CELF2: variants seen among roughly 807,000 people sequenced by gnomAD.
CELF2 encodes the protein CUGBP Elav-like family member 2, also known as CUG triplet repeat RNA-binding protein 2.
A neutral mutation model predicts 62.6 loss-of-function variants in CELF2; 8 were observed. The observed-to-expected ratio is 0.13, with a 90% confidence interval of 0.07 to 0.23. CELF2 has a LOEUF of 0.23. Among genes scored for constraint, CELF2 ranks in the 10% least tolerant of loss-of-function variants. The pLI, the probability that CELF2 is intolerant of heterozygous loss-of-function variation, is 1.00. For synonymous variants in CELF2, 258 were observed against 250.0 expected, an observed-to-expected ratio of 1.03 and a Z score of -0.30; for missense variants, 333 against 671.0, an observed-to-expected ratio of 0.50 and a Z score of 5.56.
chr10:10,724,638 A>G, the CELF2 span, among the ~76,000 whole-genome samples: 1 of 145,786 alleles, frequency 6.9e-6, no homozygotes. Flanking sequence ...CCTGGGCAAC[A>G]GAGCAAGACT....
At chr10:11,210,621 C>T (rs1357183234) in intron 2 of CELF2, among the ~76,000 whole-genome samples, 1 of 152,212 alleles carries the variant, frequency 6.6e-6, no homozygotes, top group Non-Finnish European at 1.5e-5. Context: ...AAAGGTCCCT[C>T]CTGCCATGGT....
At chr10:10,855,171 G>T (rs2059630864) in intron 1 of CELF2, among the ~76,000 whole-genome samples, 2 of 152,160 alleles carry the variant, frequency 1.3e-5, no homozygotes, top group South Asian at 4.1e-4. Context: ...AGTTTTCTCA[G>T]TGCTCACACT....
chr10:10,954,988 A>G (rs2048740321), intron 2 of CELF2, among the ~76,000 whole-genome samples: 1 of 152,254 alleles, frequency 6.6e-6, no homozygotes, highest in Non-Finnish European at 1.5e-5. Context: ...CAAAGGCTCC[A>G]AATAGCTTAG....
intron 2 of CELF2, among the ~76,000 whole-genome samples, chr10:11,204,459 AGGGG>A (rs2059962255): frequency 2.0e-5 from 3 of 152,200 alleles, no homozygotes; most frequent in Admixed American, 6.5e-5. Flanking sequence ...CTATAGGGGA[AGGGG>A]GTGTGAAAAT....
chr10:11,163,870 T>TA (rs1387573015), intron 1 of CELF2, among the ~76,000 whole-genome samples: 1 of 152,220 alleles, frequency 6.6e-6, no homozygotes, highest in East Asian at 1.9e-4. Flanking sequence ...ATCTTGTTTT[T>TA]AGGGGCTTAG....
rs116427339 is a variant in CELF2, at chr10:11,289,648, G to A, written c.976+1096G>A. 9.2e-3 allele frequency among the ~76,000 whole-genome samples: 1,398 copies of A among 152,300 alleles called. 19 individuals are homozygous for A. The highest frequency in any genetic ancestry group is 0.032 in the African/African-American group (1,314 of 41,556). ...AATGTGCTGAGATCGCATGGCAGGT[G>A]TATTGACTTCACTGTGTACAGTGTC... On this transcript the variant is annotated intron_variant, in intron 9 of 12. Transcript: ENST00000633077.
At chr10:10,653,574 C>T in the CELF2 span, among the ~76,000 whole-genome samples, 49 of 130,066 alleles carry the variant, frequency 3.8e-4, no homozygotes, top group African/African-American at 9.8e-4. Context: ...CACTCAAAAC[C>T]GCTCAACTAC....
In CELF2 at chr10:11,244,124, G is replaced by A. The variant is rs2074881326; in HGVS notation, c.355-5029G>A. On this transcript the variant is annotated intron_variant, in intron 3 of 12. Coordinates refer to ENST00000633077, the MANE Select transcript of CELF2 (RefSeq NM_001326342.2). The surrounding 1 kb of genome is among the most constrained non-coding windows in gnomAD (Gnocchi z 4.2). The stretch of plus-strand genomic sequence containing the variant: ...GGAGGGCCAGGGTCCCTAGTCATGG[G>A]GAAGCAGTTGAGAAGCAACAGTTCT... Among the ~76,000 whole-genome samples the A allele has an allele frequency of 6.6e-6, 1 of 152,242 alleles. No individual in the cohort carries two copies. The highest frequency in any genetic ancestry group is 1.5e-5 in the Non-Finnish European group (1 of 68,048).
the CELF2 span, among the ~76,000 whole-genome samples, chr10:10,714,456 G>A: frequency 6.6e-6 from 1 of 152,098 alleles, no homozygotes; most frequent in Admixed American, 6.5e-5. Flanking sequence ...GGCTAGACAT[G>A]TTTAGCTTCA....
chr10:10,679,566 A>T, the CELF2 span, among the ~76,000 whole-genome samples: 2 of 152,242 alleles, frequency 1.3e-5, no homozygotes, highest in Non-Finnish European at 2.9e-5. Flanking sequence ...CTGGGATTAC[A>T]GGTGTAAGCC....
chr10:10,524,155 G>A, the CELF2 span, among the ~76,000 whole-genome samples: 1 of 152,152 alleles, frequency 6.6e-6, no homozygotes, highest in South Asian at 2.1e-4. Flanking sequence ...ATAAGAAATG[G>A]GGGAAGATGA....
Position 10,932,682 on chromosome 10 carries a change from G to GTGTGTGTA in CELF2, c.89+12690_89+12691insATGTGTGT, listed in dbSNP as rs764187691. Among the ~76,000 whole-genome samples, 4 of 119,234 alleles carry GTGTGTGTA rather than the reference G, an allele frequency of 3.4e-5. No homozygotes were observed. In the East Asian group the frequency reaches 8.1e-4, roughly 24 times the overall value. The allele number at this position is 119,234 out of a possible 152,430, so 78.2% of individuals were successfully genotyped here. A position where few individuals can be genotyped will look rare whatever the true frequency, so the allele number is the denominator to read the frequency against. The stretch of plus-strand genomic sequence containing the variant: ...AAAGTAAATATGTATGTGTATGTGT[G>GTGTGTGTA]TGTGTGTGTGTGTATATATATATGT... On this transcript the variant is annotated intron_variant, in intron 2 of 13. Coordinates refer to the CELF2 transcript ENST00000636488.
At chr10:11,015,581 T>C (rs150036021), upstream of CELF2, among the ~76,000 whole-genome samples, 238 of 152,364 alleles carry the variant, frequency 1.6e-3, 2 homozygotes, top group African/African-American at 5.5e-3. This position sits in a 1 kb window ranked among gnomAD's most constrained non-coding sequence, Gnocchi z 4.8. Flanking sequence ...AGTTTTCTTT[T>C]ATATTTGACC....
intron 1 of CELF2, among the ~76,000 whole-genome samples, chr10:11,118,599 C>T (rs11256989): frequency 1.2e-4 from 19 of 152,230 alleles, no homozygotes; most frequent in African/African-American, 3.6e-4. Flanking sequence ...CAGATTTTTG[C>T]GTAAGGTCAT....
At chr10:10,608,359 G>T in the CELF2 span, among the ~76,000 whole-genome samples, 1 of 152,124 alleles carries the variant, frequency 6.6e-6, no homozygotes, top group Non-Finnish European at 1.5e-5. Context: ...CTGGCCTGGG[G>T]ACTCAAAATC....
chr10:10,957,651 T>C lies in CELF2; in HGVS notation c.89+37652T>C, dbSNP rs1356736997. 6.6e-6 allele frequency among the ~76,000 whole-genome samples: 1 copy of C among 152,186 alleles called. No individual in the cohort carries two copies. The highest frequency in any genetic ancestry group is 1.9e-4 in the East Asian group (1 of 5,194). ...TTCAGGATCACTTCTGTGCTCCCGA[T>C]GTAGTAAAATGACTCATAATTGGCC... On this transcript the variant is annotated intron_variant, in intron 2 of 13. Transcript: ENST00000636488. This position sits in a 1 kb window ranked among gnomAD's most constrained non-coding sequence, Gnocchi z 4.1.
At chr10:10,731,914 G>T in the CELF2 span, among the ~76,000 whole-genome samples, 1 of 152,042 alleles carries the variant, frequency 6.6e-6, no homozygotes, top group South Asian at 2.1e-4. Context: ...GCTGAGCCCC[G>T]CATGCCCCTT....
rs1175737563 is a variant in CELF2 at position 11,306,018 on chromosome 10, T to C, written c.977-8121T>C. ...TCCTTGCCTGCTCAACCATTCTCTTTCCTGGCACGCCAGCTGGCCTGAACG... is the reference window on the plus strand; with the variant it reads ...TCCTTGCCTGCTCAACCATTCTCTTCCCTGGCACGCCAGCTGGCCTGAACG... On this transcript the variant is annotated intron_variant, in intron 9 of 12. Transcript: ENST00000633077. The surrounding 1 kb of genome is among the most constrained non-coding windows in gnomAD (Gnocchi z 4.4). Among the ~76,000 whole-genome samples, 1 of 152,226 alleles carries C rather than the reference T, an allele frequency of 6.6e-6. No homozygotes were observed. Among genetic ancestry groups the C allele is most frequent in the African/African-American group, 2.4e-5 (1 of 41,468 alleles).
chr10:10,752,443 C>T, the CELF2 span, among the ~76,000 whole-genome samples: 1 of 152,066 alleles, frequency 6.6e-6, no homozygotes, highest in African/African-American at 2.4e-5. Flanking sequence ...GTAATCCCAG[C>T]ACTTTGGGAG....
Sources: gnomAD v4.1 joint callset for allele counts (sites outside exome capture counted in the v4.1 genomes callset) on GRCh38, gnomAD v4.1.1 for gene constraint, Gnocchi (gnomAD v3.1) non-coding constraint, MANE v1.5 for transcripts, NCBI Gene and HGNC (gene_info 2026-07-23, HGNC 2026-07-21) for gene names.